The following TAMM41 variants were observed in gnomAD, a reference collection of about 807,000 sequenced individuals.
TAMM41 encodes the protein TAM41 mitochondrial translocator assembly and maintenance homolog, also known as phosphatidate cytidylyltransferase, mitochondrial.
TAMM41 carries 36 observed loss-of-function variants against 44.1 expected under a neutral mutation model. The ratio of observed to expected loss-of-function variants is 0.82; its 90% CI spans 0.63 to 1.08. The LOEUF (loss-of-function observed/expected upper bound fraction) is 1.08. Ranked by LOEUF, TAMM41 falls within the 50% of genes least tolerant of loss-of-function variation. The pLI, the probability that TAMM41 is intolerant of heterozygous loss-of-function variation, is 0.00. For missense variants in TAMM41, 417 were observed against 404.3 expected, an observed-to-expected ratio of 1.03 and a Z score of -0.27; for synonymous variants, 164 against 153.1, an observed-to-expected ratio of 1.07 and a Z score of -0.53.
At chr3:11,823,259 T>TC (rs925124784) in intron 4 of TAMM41, among the ~76,000 whole-genome samples, 2 of 148,662 alleles carry the variant, frequency 1.3e-5, no homozygotes, top group Admixed American at 1.3e-4. Context: ...TTGTTGTTTT[T>TC]TTTTTTTTTT....
At chr3:11,782,956 T>G in the TAMM41 span, among the ~76,000 whole-genome samples, 2 of 152,204 alleles carry the variant, frequency 1.3e-5, no homozygotes, top group Non-Finnish European at 2.9e-5. Context: ...GACTCGGAGC[T>G]TGAAGACTCA....
At position 11,835,990 on chromosome 3, in the gene TAMM41, C is replaced by CTT. The variant is rs34707251; in HGVS notation, c.411+3230_411+3231dup. On this transcript the variant is annotated intron_variant, in intron 3 of 7. Coordinates refer to ENST00000455809, the MANE Select transcript of TAMM41 (RefSeq NM_001284401.2). ...TACTCTGCTTCCAATATTCCTTTTC[C>CTT]TTTTTTTTTTTTTTTTTGAGACTGG... 7.9e-3 allele frequency among the ~76,000 whole-genome samples: 1,093 copies of CTT among 137,856 alleles called. 17 individuals are homozygous for CTT. Among genetic ancestry groups the CTT allele is most frequent in the African/African-American group, 0.023 (874 of 37,206 alleles). The allele number at this position is 137,856 out of a possible 152,430, so 90.4% of individuals were successfully genotyped here.
At chr3:11,844,327 G>T in intron 1 of TAMM41, 116 bp from the exon 2 acceptor site, 2 of 947,366 alleles carry the variant, frequency 2.1e-6, no homozygotes, top group Non-Finnish European at 3.1e-6. Context: ...AAGGCCTGGT[G>T]CTGTCATCAG....
chr3:11,746,748 C>T, the TAMM41 span, among the ~76,000 whole-genome samples: 1 of 152,100 alleles, frequency 6.6e-6, no homozygotes, highest in Non-Finnish European at 1.5e-5. Context: ...GATCCTCCTG[C>T]CTCAGCCTCC....
chr3:11,823,273 T>G (rs1215784277), intron 4 of TAMM41, among the ~76,000 whole-genome samples: 1 of 149,696 alleles, frequency 6.7e-6, no homozygotes, highest in Non-Finnish European at 1.5e-5. Flanking sequence ...TTTTTTTTTT[T>G]GAGACAGAGT....
chr3:11,829,116 C>T (rs550652141), intron 4 of TAMM41, among the ~76,000 whole-genome samples: 1 of 152,236 alleles, frequency 6.6e-6, no homozygotes, highest in Non-Finnish European at 1.5e-5. Flanking sequence ...GACCTACCCT[C>T]AAACAGTTTA....
At chr3:11,780,168 T>G in the TAMM41 span, among the ~76,000 whole-genome samples, 447 of 152,324 alleles carry the variant, frequency 2.9e-3, 2 homozygotes, top group Middle Eastern at 0.01. Flanking sequence ...TGGCTCTCCA[T>G]TGCTCTGGGG....
At chr3:11,808,399 C>T (rs923295303) in intron 6 of TAMM41, 6 of 993,048 alleles carry the variant, frequency 6.0e-6, no homozygotes, top group Admixed American at 1.2e-4. Flanking sequence ...CAGTGTGCCT[C>T]GTACAGAGCT....
rs895313297 is a variant in TAMM41, at chr3:11,846,689, C to T, written c.-53G>A. 1 of 1,610,746 alleles carries T rather than the reference C, an allele frequency of 6.2e-7. No homozygotes were observed. Among genetic ancestry groups the T allele is most frequent in the Non-Finnish European group, 8.5e-7 (1 of 1,178,304 alleles). On this transcript the variant is annotated 5_prime_UTR_variant, in exon 1 of 8. Transcript: ENST00000455809. ...GCGCAGCAGGGCGAGGACAACCGGGCGGGGAACAGACACCGGGTAGGCGGT... is the reference window on the plus strand; with the variant it reads ...GCGCAGCAGGGCGAGGACAACCGGGTGGGGAACAGACACCGGGTAGGCGGT...
chr3:11,773,956 G>A, the TAMM41 span, among the ~76,000 whole-genome samples: 13 of 152,178 alleles, frequency 8.5e-5, no homozygotes, highest in South Asian at 2.1e-4. Flanking sequence ...GGGCATGGTG[G>A]TGCATGCCTG....
At chr3:11,804,057 T>C (rs1461523036) in intron 7 of TAMM41, among the ~76,000 whole-genome samples, 9 of 152,110 alleles carry the variant, frequency 5.9e-5, no homozygotes, top group Non-Finnish European at 1.2e-4. Flanking sequence ...TTGTATTCCT[T>C]AAACGTTTTA....
intron 4 of TAMM41, among the ~76,000 whole-genome samples, chr3:11,825,013 T>C (rs2078686289): frequency 6.6e-6 from 1 of 150,432 alleles, no homozygotes; most frequent in East Asian, 2.0e-4. Context: ...GGGGAAGGAG[T>C]GACCTAAGTG....
At chr3:11,826,365 G>T (rs367568068) in intron 4 of TAMM41, among the ~76,000 whole-genome samples, 20 of 151,660 alleles carry the variant, frequency 1.3e-4, no homozygotes, top group African/African-American at 4.6e-4. Context: ...AGCCCCTGTC[G>T]CTACACAAAC....
intron 4 of TAMM41, among the ~76,000 whole-genome samples, chr3:11,823,834 T>TC (rs1195845597): frequency 6.8e-6 from 1 of 147,986 alleles, no homozygotes; most frequent in Admixed American, 6.7e-5. Context: ...CCCGGCTTTT[T>TC]TTTTTTTTTT....
At chr3:11,750,503 CCTCA>C in the TAMM41 span, among the ~76,000 whole-genome samples, 16 of 151,810 alleles carry the variant, frequency 1.1e-4, no homozygotes, top group Admixed American at 5.2e-4. Context: ...GGAGATAGGG[CCTCA>C]CTATGTTGCC....
chr3:11,764,951 A>G, the TAMM41 span, among the ~76,000 whole-genome samples: 1 of 152,200 alleles, frequency 6.6e-6, no homozygotes, highest in Admixed American at 6.5e-5. Context: ...AAAAATAGTC[A>G]TTGTCAGATC....
chr3:11,782,546 CAAA>C, the TAMM41 span, among the ~76,000 whole-genome samples: 12 of 70,050 alleles, frequency 1.7e-4, no homozygotes, highest in Admixed American at 3.3e-4. Flanking sequence ...GACCCTGTCT[CAAA>C]AAAAAAAAAA....
chr3:11,790,986 C>G (rs932766540), intron 7 of TAMM41, among the ~76,000 whole-genome samples: 3 of 152,218 alleles, frequency 2.0e-5, no homozygotes, highest in Admixed American at 2.0e-4. Context: ...GTGAAAGGCA[C>G]CTGTCTGACT....
chr3:11,792,720 T>C (rs1046054596), intron 7 of TAMM41, among the ~76,000 whole-genome samples: 2 of 152,114 alleles, frequency 1.3e-5, no homozygotes, highest in Non-Finnish European at 2.9e-5. Flanking sequence ...GAAAACAAAA[T>C]GGATAAACTG....
Sources: gnomAD v4.1 joint callset for allele counts (sites outside exome capture counted in the v4.1 genomes callset) on GRCh38, gnomAD v4.1.1 for gene constraint, MANE v1.5 for transcripts, NCBI Gene and HGNC (gene_info 2026-07-23, HGNC 2026-07-21) for gene names.